The following CKAP5 variants were observed in gnomAD, a reference collection of about 807,000 sequenced individuals.
CKAP5 encodes the protein cytoskeleton-associated protein 5.
A neutral mutation model predicts 232.8 loss-of-function variants in CKAP5; 27 were observed. The observed-to-expected ratio is 0.12, with a 90% confidence interval of 0.09 to 0.16. CKAP5 has a LOEUF of 0.16. Among genes scored for constraint, CKAP5 ranks in the 10% least tolerant of loss-of-function variants. CKAP5 has a pLI of 1.00. For synonymous variants in CKAP5, 785 were observed against 841.1 expected, an observed-to-expected ratio of 0.93 and a Z score of 1.16; for missense variants, 1,838 against 2,424.7, an observed-to-expected ratio of 0.76 and a Z score of 5.08.
At chr11:46,772,222 T>C (rs569992573) in intron 24 of CKAP5, among the ~76,000 whole-genome samples, 53 of 152,238 alleles carry the variant, frequency 3.5e-4, no homozygotes, top group African/African-American at 1.3e-3. Context: ...CTTTATTGGA[T>C]ACTGGCTTAC....
chr11:46,763,185 A>T lies in CKAP5; in HGVS notation c.3688-6T>A. The stretch of plus-strand genomic sequence containing the variant: ...TCTTTTTCACTCTCCAAGTGCTTAA[A>T]ATAAAACAAAACAAAACTCCCACAA... On this transcript the variant is annotated splice_region_variant and splice_polypyrimidine_tract_variant and intron_variant, in intron 29 of 43. Transcript: ENST00000529230. 1 of 1,580,778 alleles carries T rather than the reference A, an allele frequency of 6.3e-7. No individual in the cohort carries two copies. The highest frequency in any genetic ancestry group is 8.6e-7 in the Non-Finnish European group (1 of 1,159,704).
At chr11:46,751,590 C>T in intron 38 of CKAP5, 56 bp from the exon 39 acceptor site, 3 of 1,406,038 alleles carry the variant, frequency 2.1e-6, no homozygotes, top group Non-Finnish European at 2.9e-6. Flanking sequence ...GATAATTTGT[C>T]ACCATTCATC....
rs532249225 is a variant in CKAP5, at chr11:46,754,142, C to T, written c.4870-645G>A. Among the ~76,000 whole-genome samples the T allele has an allele frequency of 3.9e-5, 6 of 152,032 alleles. 1 individual carries two copies. In the South Asian group the frequency reaches 6.2e-4, roughly 16 times the overall value. On this transcript the variant is annotated intron_variant, in intron 36 of 43. Coordinates refer to ENST00000529230, the MANE Select transcript of CKAP5 (RefSeq NM_001008938.4). ...CCTCCCGAGTAGCTGGGATTACAGGCGCCCGCCACCAGGCCTGGCTAATTT... is the reference window on the plus strand; with the variant it reads ...CCTCCCGAGTAGCTGGGATTACAGGTGCCCGCCACCAGGCCTGGCTAATTT...
chr11:46,762,431 G>T (rs1352496738), intron 31 of CKAP5, 196 bp downstream of exon 31: 4 of 864,836 alleles, frequency 4.6e-6, no homozygotes, highest in South Asian at 4.0e-5. Context: ...TGTCACCAGG[G>T]TGATACTGAG....
chr11:46,750,546 A>G lies in CKAP5; in HGVS notation c.5526T>C (p.Ser1842=), dbSNP rs1421660360. The change falls in exon 41 of 44, where the codon TCT becomes TCC. Residue 1842 remains serine (S), a synonymous_variant. Coordinates refer to ENST00000529230, the MANE Select transcript of CKAP5 (RefSeq NM_001008938.4). ...CTCTCACCTCTTTAGTGTTTTCTTT[A>G]GAGCCAATCTTCTTAAAAATCTCAG... is the stretch of plus-strand genomic sequence containing the variant. The part of the protein sequence containing the change: ...FLAEIFKKIG[S]KENTKEGLAE... 19 of 1,613,976 alleles carry G rather than the reference A, an allele frequency of 1.2e-5. No individual in the cohort carries two copies. The highest frequency in any genetic ancestry group is 1.6e-5 in the Non-Finnish European group (19 of 1,179,944).
intron 26 of CKAP5, 57 bp downstream of exon 26, chr11:46,769,906 T>A: frequency 6.3e-7 from 1 of 1,580,074 alleles, no homozygotes; most frequent in Non-Finnish European, 8.7e-7. Context: ...CTGAATGTCT[T>A]TTTAGAGTTC....
chr11:46,808,024 T>C lies in CKAP5; in HGVS notation c.978+7A>G. On this transcript the variant is annotated splice_region_variant and intron_variant, in intron 8 of 43. Coordinates refer to ENST00000529230, the MANE Select transcript of CKAP5 (RefSeq NM_001008938.4). ...ACAATACCAGTACTGCAAGTCCTCA[T>C]ATTTACCTTCTTTAATGCTTTTACT... 1 of 1,604,760 alleles carries C rather than the reference T, an allele frequency of 6.2e-7. No individual in the cohort carries two copies. The highest frequency in any genetic ancestry group is 1.1e-5 in the South Asian group (1 of 90,758).
chr11:46,765,213 T>C lies in CKAP5; in HGVS notation c.3455A>G (p.Glu1152Gly), dbSNP rs751489570. ...AATAGGCCCGGATTTGTCTTCATCCTCCTTTAAGCTGGTTTTGCTTGGCAT... is the reference window on the plus strand; with the variant it reads ...AATAGGCCCGGATTTGTCTTCATCCCCCTTTAAGCTGGTTTTGCTTGGCAT... The part of the protein sequence containing the change: ...KKMPSKTSLK[E>G]DEDKSGPIFI... The change falls in exon 28 of 44, where the codon GAG becomes GGG. Residue 1152 changes from glutamate to glycine, a missense_variant. Physicochemically the swap from Glu to Gly is moderately conservative, Grantham distance 98. Coordinates refer to ENST00000529230, the MANE Select transcript of CKAP5 (RefSeq NM_001008938.4). 1 of 1,613,162 alleles carries C rather than the reference T, an allele frequency of 6.2e-7. No individual in the cohort carries two copies.
At chr11:46,748,030 C>T (rs1248809526) in intron 42 of CKAP5, among the ~76,000 whole-genome samples, 2 of 152,052 alleles carry the variant, frequency 1.3e-5, no homozygotes, top group African/African-American at 2.4e-5. Context: ...AGTGAGAGAG[C>T]GAGACCCTGA....
Position 46,784,598 on chromosome 11 carries a change from C to T in CKAP5, c.2044G>A (p.Val682Ile). Residue 682 changes from valine (V) to isoleucine (I), a missense_variant, in exon 17 of 44, where the codon GTA becomes ATA. This residue lies in a region of CKAP5 where 767 missense variants were observed against 954.6 expected (regional missense o/e 0.80). Coordinates refer to ENST00000529230, the MANE Select transcript of CKAP5 (RefSeq NM_001008938.4). Reference protein sequence around the residue: ...GNFSKTSAQVVLDGLVDKIGD... With the variant: ...GNFSKTSAQVILDGLVDKIGD... ...ATCTTGTCCACAAGGCCATCTAATA[C>T]AACCTGAGCTGACGTTTTGGAAAAA... is the stretch of plus-strand genomic sequence containing the variant. 6.2e-7 allele frequency: 1 copy of T among 1,614,072 alleles called. No homozygotes were observed. Among genetic ancestry groups the T allele is most frequent in the African/African-American group, 1.3e-5 (1 of 75,032 alleles).
chr11:46,785,478 C>A (rs751054577), intron 16 of CKAP5, among the ~76,000 whole-genome samples: 3 of 152,046 alleles, frequency 2.0e-5, no homozygotes, highest in Non-Finnish European at 2.9e-5. Flanking sequence ...TACAGGCGCC[C>A]GCCACCACGC....
At chr11:46,833,787 T>C (rs746348346) in intron 1 of CKAP5, among the ~76,000 whole-genome samples, 1 of 151,760 alleles carries the variant, frequency 6.6e-6, no homozygotes, top group African/African-American at 2.4e-5. Context: ...AAGTAAGTAG[T>C]AGTATTAACA....
rs1020782691 is a variant in CKAP5, at chr11:46,753,468, C to A, written c.4899G>T (p.Glu1633Asp). ...SLFQIESLAR[E>D]ASTGVLKDLM... ...GGTCTTTTAGTACTCCAGTGGAGGC[C>A]TCCCGGGCAAGGCTCTCTATCTGAA... The change falls in exon 37 of 44, where the codon GAG (glutamate) becomes GAT (aspartate). Residue 1633 changes from glutamate (E) to aspartate (D), a missense_variant. Physicochemically the swap from Glu to Asp is conservative, Grantham distance 45 (BLOSUM62 2). This residue lies in a region of CKAP5 where 579 missense variants were observed against 843.2 expected (regional missense o/e 0.69). Coordinates refer to ENST00000529230, the MANE Select transcript of CKAP5 (RefSeq NM_001008938.4). The A allele has an allele frequency of 6.2e-7, 1 of 1,612,712 alleles. No homozygotes were observed. The highest frequency in any genetic ancestry group is 8.5e-7 in the Non-Finnish European group (1 of 1,179,564).
intron 42 of CKAP5, among the ~76,000 whole-genome samples, chr11:46,745,201 G>A (rs11038984): frequency 3.0e-4 from 45 of 152,218 alleles, no homozygotes; most frequent in African/African-American, 1.0e-3. Flanking sequence ...GATACAATGC[G>A]GGCCTTTAAA....
intron 4 of CKAP5, among the ~76,000 whole-genome samples, chr11:46,812,888 C>A (rs1939310082): frequency 1.3e-5 from 2 of 152,078 alleles, no homozygotes; most frequent in Non-Finnish European, 2.9e-5. Context: ...GGCAATCTGC[C>A]TGCCTCAGCC....
intron 1 of CKAP5, among the ~76,000 whole-genome samples, chr11:46,821,831 G>T (rs965596952): frequency 6.6e-6 from 1 of 152,024 alleles, no homozygotes; most frequent in African/African-American, 2.4e-5. Context: ...CTGAGATCAG[G>T]AGTTCAAGAC....
At chr11:46,769,192 T>C (rs2065228054) in intron 26 of CKAP5, among the ~76,000 whole-genome samples, 1 of 152,190 alleles carries the variant, frequency 6.6e-6, no homozygotes, top group Admixed American at 6.5e-5. Context: ...GTGCTGGGAT[T>C]ACAAGCATGA....
rs373102707 is a variant in CKAP5 at position 46,759,038 on chromosome 11, C to T, written c.4574G>A (p.Arg1525Gln). ...EPVLIPEPKI[R>Q]AVSPHFDDMH... is the part of the protein sequence containing the mutation. ...GTCATCGAAGTGTGGAGAAACAGCC[C>T]GGATCCTAGATAGCAGAACAAAGAG... The change falls in exon 35 of 44, where the codon CGG (arginine) becomes CAG (glutamine). Residue 1525 changes from arginine to glutamine, a missense_variant. Arg to Gln is a conservative substitution (Grantham distance 43). Around this residue, in one of 6 missense-constraint regions of CKAP5, gnomAD observed 579 missense variants for 843.2 expected, o/e 0.69. Coordinates refer to ENST00000529230, the MANE Select transcript of CKAP5 (RefSeq NM_001008938.4). 7.4e-5 allele frequency: 119 copies of T among 1,612,634 alleles called. No individual in the cohort carries two copies. The highest frequency in any genetic ancestry group is 9.6e-5 in the Non-Finnish European group (113 of 1,179,742).
At chr11:46,826,163 G>T (rs900765925) in intron 1 of CKAP5, among the ~76,000 whole-genome samples, 84 of 152,142 alleles carry the variant, frequency 5.5e-4, no homozygotes, top group African/African-American at 1.7e-3. Flanking sequence ...AGATGGAGAG[G>T]GGTAAAGAGC....
Sources: gnomAD v4.1 joint callset for allele counts (sites outside exome capture counted in the v4.1 genomes callset) on GRCh38, gnomAD v4.1.1 for gene constraint, gnomAD v4.1.1 regional missense constraint, MANE v1.5 for transcripts, NCBI Gene and HGNC (gene_info 2026-07-23, HGNC 2026-07-21) for gene names.